ZBTB7C: variants seen among roughly 807,000 people sequenced by gnomAD.
ZBTB7C encodes zinc finger and BTB domain-containing protein 7C.
A neutral mutation model predicts 25.7 loss-of-function variants in ZBTB7C; 8 were observed. The ratio of observed to expected loss-of-function variants is 0.31; its 90% CI spans 0.18 to 0.56. The LOEUF (loss-of-function observed/expected upper bound fraction) is 0.56, where lower values mean the gene tolerates loss of function less well. Ranked by LOEUF, ZBTB7C falls within the 20% of genes least tolerant of loss-of-function variation. The pLI, the probability that ZBTB7C is intolerant of heterozygous loss-of-function variation, is 0.91. For synonymous variants in ZBTB7C, 394 were observed against 369.0 expected, an observed-to-expected ratio of 1.07 and a Z score of -0.78; for missense variants, 824 against 855.2, an observed-to-expected ratio of 0.96 and a Z score of 0.46.
chr18:48,392,447 CTGTT>C (rs1432928401), intron 1 of ZBTB7C, among the ~76,000 whole-genome samples: 1 of 152,154 alleles, frequency 6.6e-6, no homozygotes, highest in Non-Finnish European at 1.5e-5. Context: ...CTGTGTTTCT[CTGTT>C]TGGCCTCATT....
In ZBTB7C at chr18:48,209,466, C is replaced by T. The variant is rs545518393; in HGVS notation, c.-78-23471G>A. Reference sequence around the variant, plus strand: ...CAATAATAAAATTTATTTTAAAATGCGAGTCACTGGCTGAGAATAGTGGTT... The same window carrying T: ...CAATAATAAAATTTATTTTAAAATGTGAGTCACTGGCTGAGAATAGTGGTT... On this transcript the variant is annotated intron_variant, in intron 2 of 4. Transcript: ENST00000590800. 1.3e-4 allele frequency among the ~76,000 whole-genome samples: 20 copies of T among 152,212 alleles called. No homozygotes were observed. The South Asian group carries it at 2.1e-3, about 16-fold the overall frequency.
chr18:48,093,627 C>A (rs12955460), intron 3 of ZBTB7C, among the ~76,000 whole-genome samples: 36,077 of 151,094 alleles, frequency 0.24, 4,344 homozygotes, highest in Admixed American at 0.27. Flanking sequence ...ACAAAAAAAA[C>A]ACACACACAG....
chr18:48,031,330 G>A (rs1396834572), intron 4 of ZBTB7C, among the ~76,000 whole-genome samples: 1 of 152,172 alleles, frequency 6.6e-6, no homozygotes, highest in Non-Finnish European at 1.5e-5. Context: ...GTGCTCACAG[G>A]AAGGCTGGAG....
intron 3 of ZBTB7C, among the ~76,000 whole-genome samples, chr18:48,077,270 G>C (rs1166698145): frequency 6.6e-6 from 1 of 151,828 alleles, no homozygotes; most frequent in Admixed American, 6.6e-5. Flanking sequence ...AATAAGGTAT[G>C]GTATACTTGA....
intron 2 of ZBTB7C, among the ~76,000 whole-genome samples, chr18:48,234,967 G>A (rs78482800): frequency 0.056 from 8,561 of 152,178 alleles, 396 homozygotes; most frequent in East Asian, 0.18. Flanking sequence ...TCTTGCTTAA[G>A]AAATTTATTT....
chr18:48,380,061 C>T (rs8096836), intron 1 of ZBTB7C, among the ~76,000 whole-genome samples: 27,628 of 151,888 alleles, frequency 0.18, 2,733 homozygotes, highest in Non-Finnish European at 0.22. Context: ...CCTTAATGTA[C>T]GAAAATTGTT....
chr18:48,212,134 C>A (rs1027082661), intron 2 of ZBTB7C, among the ~76,000 whole-genome samples: 2 of 152,146 alleles, frequency 1.3e-5, no homozygotes, highest in African/African-American at 4.8e-5. Context: ...GCAGGAGGAT[C>A]ACTAGAGCCC....
At chr18:48,367,060 G>T (rs2047237369) in intron 1 of ZBTB7C, among the ~76,000 whole-genome samples, 1 of 150,246 alleles carries the variant, frequency 6.7e-6, no homozygotes. Context: ...TTTTCCAAGG[G>T]TATTTATGAC....
In ZBTB7C at chr18:48,214,130, T is replaced by C. The variant is rs570725363; in HGVS notation, c.-78-28135A>G. 1.5e-4 allele frequency among the ~76,000 whole-genome samples: 23 copies of C among 152,354 alleles called. No individual in the cohort carries two copies. The East Asian group carries it at 3.9e-3, about 26-fold the overall frequency. ...CCAAGTCAATTTTTTAAAATTGTGG[T>C]AAAATACACATAACATGAAAATTTA... On this transcript the variant is annotated intron_variant, in intron 2 of 4. Transcript: ENST00000590800.
chr18:48,096,398 G>A (rs958102293), intron 3 of ZBTB7C, among the ~76,000 whole-genome samples: 5 of 152,194 alleles, frequency 3.3e-5, no homozygotes, highest in African/African-American at 9.7e-5. Context: ...GGCACTTAGC[G>A]GGAAAGGAAA....
At chr18:48,323,383 C>A (rs541566202) in intron 2 of ZBTB7C, among the ~76,000 whole-genome samples, 2 of 152,242 alleles carry the variant, frequency 1.3e-5, no homozygotes, top group South Asian at 4.1e-4. Flanking sequence ...CTGGGGAAGG[C>A]GTTGTCCCTA....
intron 1 of ZBTB7C, among the ~76,000 whole-genome samples, chr18:48,401,278 T>C (rs2048151441): frequency 6.6e-6 from 1 of 152,220 alleles, no homozygotes; most frequent in African/African-American, 2.4e-5. Context: ...TCTCCCTTCA[T>C]GTTAGGAATA....
intron 2 of ZBTB7C, among the ~76,000 whole-genome samples, chr18:48,193,483 C>A (rs1161774939): frequency 6.6e-6 from 1 of 152,066 alleles, no homozygotes; most frequent in Non-Finnish European, 1.5e-5. Context: ...CAAAAAAAAA[C>A]CTGATTATAA....
At chr18:48,242,776 T>C (rs940594004) in intron 2 of ZBTB7C, among the ~76,000 whole-genome samples, 5 of 152,162 alleles carry the variant, frequency 3.3e-5, no homozygotes, top group African/African-American at 1.2e-4. Context: ...CCATTTTCCC[T>C]GAGAACTGGA....
At chr18:48,180,490 G>A (rs1021316374) in intron 3 of ZBTB7C, 13 of 373,668 alleles carry the variant, frequency 3.5e-5, no homozygotes, top group African/African-American at 2.6e-4. Flanking sequence ...GGGGAGAGAG[G>A]GAAATGAAGC....
chr18:48,395,813 AG>A (rs1307068048), intron 1 of ZBTB7C, among the ~76,000 whole-genome samples: 1 of 152,236 alleles, frequency 6.6e-6, no homozygotes, highest in African/African-American at 2.4e-5. Flanking sequence ...GAATCTGAGA[AG>A]AAGTAAAAAA....
chr18:48,085,696 A>G (rs901495491), intron 3 of ZBTB7C, among the ~76,000 whole-genome samples: 45 of 152,338 alleles, frequency 3.0e-4, no homozygotes, highest in African/African-American at 1.0e-3. Flanking sequence ...ATATTATCTA[A>G]TAGTAAATAT....
intron 2 of ZBTB7C, among the ~76,000 whole-genome samples, chr18:48,273,969 T>C (rs2044566981): frequency 6.6e-6 from 1 of 152,218 alleles, no homozygotes; most frequent in South Asian, 2.1e-4. Flanking sequence ...CCCTTTTTTA[T>C]TGCTATCCAA....
chr18:48,331,399 G>A (rs1027721211), intron 2 of ZBTB7C, among the ~76,000 whole-genome samples: 5 of 152,182 alleles, frequency 3.3e-5, no homozygotes, highest in African/African-American at 7.2e-5. Flanking sequence ...ACTGAGGCTC[G>A]TGCAGCATGG....
Sources: gnomAD v4.1 joint callset for allele counts (sites outside exome capture counted in the v4.1 genomes callset) on GRCh38, gnomAD v4.1.1 for gene constraint, MANE v1.5 for transcripts, NCBI Gene and HGNC (gene_info 2026-07-23, HGNC 2026-07-21) for gene names.